Variants in ITFG1 observed in about 807,000 individuals in gnomAD.
ITFG1 encodes T-cell immunomodulatory protein.
A neutral mutation model predicts 81.8 loss-of-function variants in ITFG1; 34 were observed. That is an observed-to-expected ratio of 0.42 (90% confidence interval 0.32 to 0.55). ITFG1 has a LOEUF of 0.55. ITFG1 is among the 20% of genes least tolerant of loss of function. The probability of loss-of-function intolerance (pLI) is 0.17; values close to 1 mark genes in which losing one functional copy is unlikely to be tolerated. For synonymous variants in ITFG1, 285 were observed against 270.6 expected, an observed-to-expected ratio of 1.05 and a Z score of -0.52; for missense variants, 672 against 755.4, an observed-to-expected ratio of 0.89 and a Z score of 1.29.
At chr16:47,349,547 C>G (rs1220351348) in intron 8 of ITFG1, among the ~76,000 whole-genome samples, 6 of 148,718 alleles carry the variant, frequency 4.0e-5, no homozygotes, top group African/African-American at 1.5e-4. Context: ...CAGGAGCACC[C>G]AGATTCATAC....
intron 5 of ITFG1, among the ~76,000 whole-genome samples, chr16:47,440,728 A>G (rs1298378301): frequency 2.6e-5 from 4 of 152,312 alleles, no homozygotes; most frequent in East Asian, 1.9e-4. Context: ...CCCACAAGAG[A>G]AAGAAGGAAA....
chr16:47,403,643 G>C (rs1244134584), intron 6 of ITFG1, among the ~76,000 whole-genome samples: 2 of 152,056 alleles, frequency 1.3e-5, no homozygotes, highest in Admixed American at 6.5e-5. Flanking sequence ...AGTTGTACAG[G>C]AGAACATCCT....
chr16:47,302,532 A>G (rs1301565847), intron 10 of ITFG1, among the ~76,000 whole-genome samples: 1 of 152,184 alleles, frequency 6.6e-6, no homozygotes, highest in Admixed American at 6.5e-5. Context: ...GTACTTGAGG[A>G]GCCCTTCAGC....
chr16:47,253,138 C>T (rs957208661), intron 12 of ITFG1, among the ~76,000 whole-genome samples: 1 of 152,134 alleles, frequency 6.6e-6, no homozygotes, highest in African/African-American at 2.4e-5. Context: ...TGCAGGGTGA[C>T]TTGTCCTGAT....
chr16:47,187,405 A>G (rs902577875), intron 14 of ITFG1, among the ~76,000 whole-genome samples: 26 of 152,004 alleles, frequency 1.7e-4, no homozygotes, highest in African/African-American at 4.8e-4. Context: ...TACTGGTACC[A>G]AAACAGAGAT....
rs566638377 is a variant in ITFG1 at position 47,259,200 on chromosome 16, G to A, written c.1222-460C>T. On this transcript the variant is annotated intron_variant, in intron 11 of 17. Coordinates refer to ENST00000320640, the MANE Select transcript of ITFG1 (RefSeq NM_030790.5). The stretch of plus-strand genomic sequence containing the variant: ...TTGATATTCCTTTGATTCTTTTCAT[G>A]AAGTTGGTCATTTATCATATTTTTA... 2.6e-5 allele frequency among the ~76,000 whole-genome samples: 4 copies of A among 152,272 alleles called. No homozygotes were observed. In the South Asian group the frequency reaches 8.3e-4, roughly 32 times the overall value.
intron 8 of ITFG1, among the ~76,000 whole-genome samples, chr16:47,321,380 A>C (rs920149309): frequency 6.6e-6 from 1 of 152,210 alleles, no homozygotes; most frequent in Non-Finnish European, 1.5e-5. Flanking sequence ...TACATATAAA[A>C]TGACATTTTC....
intron 14 of ITFG1, among the ~76,000 whole-genome samples, chr16:47,176,953 C>CT (rs746522529): frequency 1.9e-3 from 255 of 135,184 alleles, no homozygotes; most frequent in East Asian, 4.9e-3. Context: ...TCTTCTTCTT[C>CT]TTTTTTTTTT....
Position 47,223,883 on chromosome 16 carries a change from T to C in ITFG1, c.1375-4937A>G, listed in dbSNP as rs1025693464. The stretch of plus-strand genomic sequence containing the variant: ...ATATACACCATGGAATACTATGCAG[T>C]CATAAAAAATGATGAGTTCATGTCC... On this transcript the variant is annotated intron_variant, in intron 13 of 17. Coordinates refer to ENST00000320640, the MANE Select transcript of ITFG1 (RefSeq NM_030790.5). Among the ~76,000 whole-genome samples, 6 of 152,118 alleles carry C rather than the reference T, an allele frequency of 3.9e-5. No homozygotes were observed. The South Asian group carries it at 6.3e-4, about 16-fold the overall frequency.
intron 5 of ITFG1, chr16:47,448,849 A>C (rs575512819): frequency 6.6e-6 from 1 of 152,248 alleles, no homozygotes; most frequent in Middle Eastern, 3.4e-3. Flanking sequence ...AATATGGCAC[A>C]TTATTACATT....
rs142639656 is a variant in ITFG1, at chr16:47,334,312, C to G, written c.803-20489G>C. Among the ~76,000 whole-genome samples the G allele has an allele frequency of 2.8e-4, 42 of 152,100 alleles. No homozygotes were observed. In the East Asian group the frequency reaches 8.1e-3, roughly 29 times the overall value. On this transcript the variant is annotated intron_variant, in intron 8 of 17. Transcript: ENST00000320640. ...GTGTGCTGGTGTGTGCCTGTAGTCC[C>G]AAATACTTAAGAGGCTGAGGTGAGA... is the stretch of plus-strand genomic sequence containing the variant.
chr16:47,326,671 A>G (rs1967549392), intron 8 of ITFG1, among the ~76,000 whole-genome samples: 1 of 152,218 alleles, frequency 6.6e-6, no homozygotes, highest in African/African-American at 2.4e-5. Flanking sequence ...GCATTCTTAT[A>G]CACCAAAAAC....
chr16:47,331,496 TAAAAC>T (rs1967636629), intron 8 of ITFG1, among the ~76,000 whole-genome samples: 1 of 152,138 alleles, frequency 6.6e-6, no homozygotes, highest in African/African-American at 2.4e-5. Context: ...AACAATTAAA[TAAAAC>T]AAAACAGAAA....
intron 5 of ITFG1, 57 bp downstream of exon 5, chr16:47,451,339 G>T: frequency 3.2e-6 from 3 of 947,996 alleles, no homozygotes; most frequent in Non-Finnish European, 3.3e-6. Context: ...TTCTCCAATG[G>T]TTAAAGTAGA....
At chr16:47,448,358 G>C (rs1376150679) in intron 5 of ITFG1, 1 of 152,136 alleles carries the variant, frequency 6.6e-6, no homozygotes, top group Non-Finnish European at 1.5e-5. Context: ...ATTGATAGTA[G>C]CTGACTACAT....
At position 47,158,626 on chromosome 16, in the gene ITFG1, C is replaced by A. The variant is rs564084225; in HGVS notation, c.1779+247G>T. ...TTTCCGGTTGATCACTTTATTACTA[C>A]CGTACTGCATCAAACTTTTAAAGTA... On this transcript the variant is annotated intron_variant, in intron 17 of 17. Coordinates refer to ENST00000320640, the MANE Select transcript of ITFG1 (RefSeq NM_030790.5). Among the ~76,000 whole-genome samples, 332 of 152,240 alleles carry A rather than the reference C, an allele frequency of 2.2e-3. 2 individuals carry two copies. Among genetic ancestry groups the A allele is most frequent in the Non-Finnish European group, 4.1e-3 (277 of 68,022 alleles).
intron 10 of ITFG1, among the ~76,000 whole-genome samples, chr16:47,303,991 C>T (rs1192615896): frequency 3.3e-5 from 5 of 152,012 alleles, no homozygotes; most frequent in South Asian, 4.2e-4. Flanking sequence ...TTAGTCTGAT[C>T]GGACTAAGTC....
At chr16:47,444,190 A>C (rs1969292661) in intron 5 of ITFG1, among the ~76,000 whole-genome samples, 2 of 152,322 alleles carry the variant, frequency 1.3e-5, no homozygotes, top group South Asian at 4.1e-4. Flanking sequence ...AAAGCAGTCA[A>C]GAGTACAATA....
chr16:47,369,769 T>A (rs1048854447), intron 7 of ITFG1, among the ~76,000 whole-genome samples: 3 of 151,704 alleles, frequency 2.0e-5, no homozygotes, highest in Non-Finnish European at 4.4e-5. Context: ...TGGATCAGGG[T>A]TTTTAGCATA....
Sources: gnomAD v4.1 joint callset for allele counts (sites outside exome capture counted in the v4.1 genomes callset) on GRCh38, gnomAD v4.1.1 for gene constraint, MANE v1.5 for transcripts, NCBI Gene and HGNC (gene_info 2026-07-23, HGNC 2026-07-21) for gene names.